The following EXOC6B variants were observed in gnomAD, a reference collection of about 807,000 sequenced individuals.
The protein encoded by EXOC6B is exocyst complex component 6B, also known as SEC15 homolog B.
Under a neutral mutation model 113.5 loss-of-function variants are expected in EXOC6B, and 54 were observed. The observed-to-expected ratio is 0.48, with a 90% CI of 0.38 to 0.60. The LOEUF is 0.60. Ranked by LOEUF, EXOC6B falls within the 20% of genes least tolerant of loss-of-function variation. The pLI is 0.00. For missense variants in EXOC6B, 797 were observed against 977.5 expected (o/e 0.82, Z 2.46); for synonymous variants, 357 against 339.0 (o/e 1.05, Z -0.58).
intron 17 of EXOC6B, among the ~76,000 whole-genome samples, chr2:72,476,748 A>T (rs985207630): frequency 1.3e-5 from 2 of 152,182 alleles, no homozygotes; most frequent in African/African-American, 4.8e-5. Flanking sequence ...AGACTTTAGA[A>T]TAAAGTCCAA....
chr2:72,401,078 A>T (rs919131901), intron 18 of EXOC6B, among the ~76,000 whole-genome samples: 1 of 151,194 alleles, frequency 6.6e-6, no homozygotes, highest in African/African-American at 2.4e-5. Context: ...AAGAAATGTT[A>T]TATATATATA....
chr2:72,671,436 T>C (rs1455163031), intron 6 of EXOC6B, among the ~76,000 whole-genome samples: 3 of 152,166 alleles, frequency 2.0e-5, no homozygotes, highest in Non-Finnish European at 2.9e-5. Context: ...GGCTCAAGCC[T>C]GTAATCCCAG....
At position 72,489,551 on chromosome 2, in the gene EXOC6B, G is replaced by A. The variant is rs146534866; in HGVS notation, c.1665+2767C>T. On this transcript the variant is annotated intron_variant, in intron 16 of 21. Coordinates refer to ENST00000272427, the MANE Select transcript of EXOC6B (RefSeq NM_015189.3). ...ACCAGGCACAGTAAGTACTTTACAT[G>A]CTTCACAACATTCCTGTGAAATACA... Among the ~76,000 whole-genome samples the A allele has an allele frequency of 4.1e-3, 623 of 152,202 alleles. 2 individuals carry two copies. Among genetic ancestry groups the A allele is most frequent in the Non-Finnish European group, 6.6e-3 (446 of 68,018 alleles).
intron 20 of EXOC6B, among the ~76,000 whole-genome samples, chr2:72,263,044 C>G (rs1204640498): frequency 1.3e-5 from 2 of 152,076 alleles, no homozygotes; most frequent in African/African-American, 2.4e-5. Context: ...AGAATTAGAA[C>G]TAATTTTTGA....
At chr2:72,575,262 C>A (rs1309521102) in intron 7 of EXOC6B, among the ~76,000 whole-genome samples, 1 of 152,008 alleles carries the variant, frequency 6.6e-6, no homozygotes, top group Non-Finnish European at 1.5e-5. Flanking sequence ...TGAAACTTTT[C>A]AAAATAGAGG....
chr2:72,298,019 C>T (rs1686249457), intron 20 of EXOC6B, among the ~76,000 whole-genome samples: 1 of 152,196 alleles, frequency 6.6e-6, no homozygotes, highest in South Asian at 2.1e-4. Flanking sequence ...TGGTCCAGAG[C>T]TGAGTTCAAG....
At chr2:72,661,920 T>C (rs1353034495) in intron 6 of EXOC6B, among the ~76,000 whole-genome samples, 4 of 151,840 alleles carry the variant, frequency 2.6e-5, no homozygotes, top group African/African-American at 2.4e-5. Flanking sequence ...CACACTAATA[T>C]AGCCAGTTGA....
intron 8 of EXOC6B, among the ~76,000 whole-genome samples, chr2:72,535,503 G>A (rs888769791): frequency 6.6e-6 from 1 of 152,080 alleles, no homozygotes; most frequent in Non-Finnish European, 1.5e-5. Context: ...ACCACTTTTT[G>A]TGTGGCCTGA....
At chr2:72,200,062 A>G (rs2104328491) in intron 20 of EXOC6B, among the ~76,000 whole-genome samples, 1 of 152,026 alleles carries the variant, frequency 6.6e-6, no homozygotes. Flanking sequence ...ACCCCCTGCT[A>G]ATTTTTGTAT....
chr2:72,820,429 A>G (rs13397183), intron 1 of EXOC6B, among the ~76,000 whole-genome samples: 9,881 of 152,202 alleles, frequency 0.065, 1,097 homozygotes, highest in African/African-American at 0.22. Flanking sequence ...CATAAGACTG[A>G]GTAGTATGAC....
At chr2:72,780,298 C>T (rs1008835255) in intron 1 of EXOC6B, among the ~76,000 whole-genome samples, 14 of 152,080 alleles carry the variant, frequency 9.2e-5, no homozygotes, top group Non-Finnish European at 1.6e-4. Flanking sequence ...TCCAAATGCC[C>T]TTATGACAAT....
At chr2:72,798,344 C>G (rs1396090685) in intron 1 of EXOC6B, among the ~76,000 whole-genome samples, 1 of 151,808 alleles carries the variant, frequency 6.6e-6, no homozygotes, top group Non-Finnish European at 1.5e-5. Flanking sequence ...CTCATAGTCA[C>G]CTTAACCAAA....
chr2:72,248,760 C>A (rs1337515186), intron 20 of EXOC6B, among the ~76,000 whole-genome samples: 2 of 152,072 alleles, frequency 1.3e-5, no homozygotes, highest in Non-Finnish European at 2.9e-5. Context: ...AAAAAAGACA[C>A]ACAGTGGCCT....
chr2:72,500,972 G>A (rs1297556583), intron 11 of EXOC6B, among the ~76,000 whole-genome samples: 2 of 151,908 alleles, frequency 1.3e-5, no homozygotes, highest in African/African-American at 4.8e-5. Context: ...AACTAGTATC[G>A]ATACCAAATA....
At chr2:72,338,648 C>T (rs1381446295) in intron 19 of EXOC6B, among the ~76,000 whole-genome samples, 1 of 151,952 alleles carries the variant, frequency 6.6e-6, no homozygotes, top group African/African-American at 2.4e-5. Context: ...TAACTTTTTA[C>T]ATATATTAAA....
At chr2:72,745,292 A>G (rs1475330100) in intron 1 of EXOC6B, among the ~76,000 whole-genome samples, 1 of 152,152 alleles carries the variant, frequency 6.6e-6, no homozygotes, top group African/African-American at 2.4e-5. Context: ...CATTTCTTTA[A>G]AAAACAAAAT....
Position 72,524,617 on chromosome 2 carries a change from C to T in EXOC6B, c.916-9491G>A, listed in dbSNP as rs967830979. 5.3e-5 allele frequency among the ~76,000 whole-genome samples: 8 copies of T among 152,198 alleles called. No homozygotes were observed. The South Asian group carries it at 1.0e-3, about 20-fold the overall frequency. On this transcript the variant is annotated intron_variant, in intron 8 of 21. Coordinates refer to ENST00000272427, the MANE Select transcript of EXOC6B (RefSeq NM_015189.3). ...TTTTAAAATAACTTAAAAAATGTAACTGGATTGTTTGCAACTCAATGAATA... is the reference window on the plus strand; with the variant it reads ...TTTTAAAATAACTTAAAAAATGTAATTGGATTGTTTGCAACTCAATGAATA...
chr2:72,398,851 A>G (rs1692938385), intron 18 of EXOC6B, among the ~76,000 whole-genome samples: 1 of 152,116 alleles, frequency 6.6e-6, no homozygotes, highest in African/African-American at 2.4e-5. Context: ...TGAATGATTG[A>G]AAGGAAAAGT....
At chr2:72,357,288 T>A (rs751905615) in intron 19 of EXOC6B, among the ~76,000 whole-genome samples, 1 of 152,206 alleles carries the variant, frequency 6.6e-6, no homozygotes, top group Non-Finnish European at 1.5e-5. Context: ...AACTAAACTT[T>A]AACATAGGGA....
Sources: gnomAD v4.1 joint callset for allele counts (sites outside exome capture counted in the v4.1 genomes callset) on GRCh38, gnomAD v4.1.1 for gene constraint, MANE v1.5 for transcripts, NCBI Gene and HGNC (gene_info 2026-07-23, HGNC 2026-07-21) for gene names.